Variants in ANKRD36 observed in about 807,000 individuals in gnomAD.
ANKRD36 encodes the protein ankyrin repeat domain 36.
A neutral mutation model predicts 278.1 loss-of-function variants in ANKRD36; 179 were observed. The observed-to-expected ratio is 0.64, with a 90% CI of 0.57 to 0.73. ANKRD36 has a LOEUF of 0.73. Ranked by LOEUF, ANKRD36 falls within the 30% of genes least tolerant of loss-of-function variation. ANKRD36 has a pLI of 0.00. For synonymous variants in ANKRD36, 320 were observed against 641.1 expected, an observed-to-expected ratio of 0.50 and a Z score of 7.57; for missense variants, 1,159 against 1,956.7, an observed-to-expected ratio of 0.59 and a Z score of 7.69.
chr2:97,137,927 A>G (rs754477197), intron 6 of ANKRD36, among the ~76,000 whole-genome samples: 37 of 152,056 alleles, frequency 2.4e-4, no homozygotes, highest in Non-Finnish European at 4.6e-4. Flanking sequence ...GTCTGTTCAT[A>G]TCCTTTGTCC....
chr2:97,165,558 T>C (rs1322387722), intron 20 of ANKRD36, among the ~76,000 whole-genome samples: 1 of 151,942 alleles, frequency 6.6e-6, no homozygotes, highest in African/African-American at 2.4e-5. Flanking sequence ...GAGAATGACA[T>C]TGGAAAGAAG....
chr2:97,179,485 A>G (rs934938529), intron 22 of ANKRD36, among the ~76,000 whole-genome samples: 1 of 151,560 alleles, frequency 6.6e-6, no homozygotes, highest in Non-Finnish European at 1.5e-5. Flanking sequence ...GTTTTATTTT[A>G]GTTTTAGACA....
chr2:97,165,959 G>C (rs1260583131), intron 20 of ANKRD36, among the ~76,000 whole-genome samples: 1 of 152,104 alleles, frequency 6.6e-6, no homozygotes, highest in Non-Finnish European at 1.5e-5. Context: ...CTTCACAAGT[G>C]ATTTCTGAAG....
chr2:97,216,889 C>T (rs2066066874), intron 62 of ANKRD36: 2 of 705,484 alleles, frequency 2.8e-6, no homozygotes, highest in South Asian at 3.7e-5. Context: ...TCACATTTGT[C>T]CTCATCACTC....
At chr2:97,202,020 C>T (rs1467881249) in intron 46 of ANKRD36, among the ~76,000 whole-genome samples, 182 bp from the exon 47 acceptor site, 1 of 151,864 alleles carries the variant, frequency 6.6e-6, no homozygotes, top group Non-Finnish European at 1.5e-5. Flanking sequence ...TTTCATGGAG[C>T]CTGTATTCGC....
intron 69 of ANKRD36, among the ~76,000 whole-genome samples, chr2:97,243,104 T>C (rs2153690887): frequency 7.3e-6 from 1 of 136,644 alleles, no homozygotes; most frequent in East Asian, 2.5e-4. Flanking sequence ...AGAGATTTAT[T>C]CTGAGCCAAA....
At chr2:97,150,609 A>G (rs1385611638) in intron 12 of ANKRD36, among the ~76,000 whole-genome samples, 1 of 152,064 alleles carries the variant, frequency 6.6e-6, no homozygotes, top group African/African-American at 2.4e-5. Context: ...TTGAGAATGT[A>G]TAAGTTGAGG....
rs184144230 is a variant in ANKRD36, at chr2:97,122,354, T to G, written c.487-533T>G. On this transcript the variant is annotated intron_variant, in intron 3 of 75. Transcript: ENST00000420699. ...ACATAATGCAGTTTTGTAACATTTT[T>G]CAAACATGGGTGATCATGGAGTCTC... Among the ~76,000 whole-genome samples, 611 of 151,092 alleles carry G rather than the reference T, an allele frequency of 4.0e-3. 2 individuals are homozygous for G. The highest frequency in any genetic ancestry group is 0.014 in the African/African-American group (563 of 41,396).
chr2:97,211,220 G>A (rs904773029), intron 56 of ANKRD36, among the ~76,000 whole-genome samples: 1 of 151,920 alleles, frequency 6.6e-6, no homozygotes, highest in Admixed American at 6.6e-5. Flanking sequence ...TGATTCTCAG[G>A]TGTATGAGTT....
chr2:97,203,627 T>C (rs1226124959), intron 48 of ANKRD36, among the ~76,000 whole-genome samples: 3 of 151,802 alleles, frequency 2.0e-5, no homozygotes, highest in Non-Finnish European at 4.4e-5. Flanking sequence ...TTCTCAGTTA[T>C]TGGGCAAGTT....
chr2:97,118,642 T>C, intron 3 of ANKRD36, 125 bp downstream of exon 3: 1 of 799,064 alleles, frequency 1.3e-6, no homozygotes, highest in Non-Finnish European at 1.8e-6. Flanking sequence ...TATTTTGAAA[T>C]GCCTTAACTG....
intron 11 of ANKRD36, among the ~76,000 whole-genome samples, chr2:97,146,911 C>T (rs1233701986): frequency 1.3e-5 from 2 of 151,890 alleles, no homozygotes; most frequent in African/African-American, 4.8e-5. Context: ...TATATATTAA[C>T]TCTCTTTAGA....
chr2:97,174,613 T>A (rs1480965514), intron 22 of ANKRD36, among the ~76,000 whole-genome samples: 1 of 151,790 alleles, frequency 6.6e-6, no homozygotes, highest in Non-Finnish European at 1.5e-5. Flanking sequence ...TGAATACCCT[T>A]TATTTCCTTC....
At chr2:97,247,859 A>AT (rs1430686164) in intron 72 of ANKRD36, 2 of 112,084 alleles carry the variant, frequency 1.8e-5, no homozygotes, top group African/African-American at 3.3e-5. Context: ...TCATTCTGCC[A>AT]TTTTTTATAC....
intron 6 of ANKRD36, among the ~76,000 whole-genome samples, chr2:97,132,729 A>G (rs1395907827): frequency 6.6e-6 from 1 of 152,078 alleles, no homozygotes. Flanking sequence ...TGTTACAGTG[A>G]AAGAATACAT....
chr2:97,206,037 A>G (rs2062761269), intron 51 of ANKRD36, 26 bp from the exon 52 acceptor site: 10 of 1,544,302 alleles, frequency 6.5e-6, no homozygotes, highest in Non-Finnish European at 8.7e-6. Context: ...TTATTTATTT[A>G]TTATTTTGTT....
rs2053896917 is a variant in ANKRD36, at chr2:97,175,297, T to C, written c.1634-4441T>C. ...GGTAAGCTATTGATTATTGCCACAA[T>C]TTCAGATCCTGTTATTGGTCTATTC... On this transcript the variant is annotated intron_variant, in intron 22 of 75. Coordinates refer to ENST00000420699, the MANE Select transcript of ANKRD36 (RefSeq NM_001354587.1). 9.3e-5 allele frequency among the ~76,000 whole-genome samples: 14 copies of C among 149,754 alleles called. No homozygotes were observed. In the Admixed American group the frequency reaches 9.4e-4, roughly 10 times the overall value.
intron 18 of ANKRD36, 149 bp from the exon 19 acceptor site, chr2:97,164,134 C>A: frequency 5.5e-6 from 8 of 1,463,078 alleles, no homozygotes; most frequent in Non-Finnish European, 7.2e-6. Flanking sequence ...GTTTGCTAAC[C>A]AAAACAAGAG....
chr2:97,231,262 A>G (rs1375364438), intron 67 of ANKRD36, among the ~76,000 whole-genome samples: 2 of 152,162 alleles, frequency 1.3e-5, no homozygotes, highest in African/African-American at 4.8e-5. Flanking sequence ...CTACAGAGGC[A>G]GGCAGGCCTC....
Sources: allele counts gnomAD v4.1 joint callset (sites outside exome capture counted in the v4.1 genomes callset), GRCh38; gene constraint gnomAD v4.1.1; transcripts MANE v1.5; gene names NCBI Gene and HGNC (gene_info 2026-07-23, HGNC 2026-07-21).